Variants in LRMDA observed in about 807,000 individuals in gnomAD.
LRMDA encodes the protein leucine rich melanocyte differentiation associated.
LRMDA carries 18 observed loss-of-function variants against 29.8 expected under a neutral mutation model. That is an observed-to-expected ratio of 0.60 (90% CI 0.42 to 0.90). LRMDA has a LOEUF of 0.90. Among genes scored for constraint, LRMDA ranks in the 40% least tolerant of loss-of-function variants. The pLI is 0.00. For missense variants in LRMDA, 273 were observed against 273.9 expected, an observed-to-expected ratio of 1.00 and a Z score of 0.02; for synonymous variants, 125 against 109.4, an observed-to-expected ratio of 1.14 and a Z score of -0.89.
intron 6 of LRMDA, among the ~76,000 whole-genome samples, chr10:76,356,186 A>G (rs1841237401): frequency 6.6e-6 from 1 of 152,216 alleles, no homozygotes; most frequent in Non-Finnish European, 1.5e-5. Flanking sequence ...TGTCAGGATG[A>G]TAGTGGTGGT....
At chr10:75,735,163 G>A (rs1028397871) in intron 2 of LRMDA, among the ~76,000 whole-genome samples, 8 of 152,336 alleles carry the variant, frequency 5.3e-5, no homozygotes, top group Admixed American at 1.3e-4. Flanking sequence ...GGATTAATAC[G>A]TGACTATATG....
intron 6 of LRMDA, among the ~76,000 whole-genome samples, chr10:76,504,673 A>G (rs1433893425): frequency 6.6e-6 from 1 of 151,976 alleles, no homozygotes; most frequent in Non-Finnish European, 1.5e-5. Flanking sequence ...AGATCCTGCT[A>G]CTTTTAGCCT....
intron 6 of LRMDA, among the ~76,000 whole-genome samples, chr10:76,411,909 G>A (rs1218370389): frequency 6.6e-6 from 1 of 152,216 alleles, no homozygotes; most frequent in African/African-American, 2.4e-5. Context: ...AACAGATGGA[G>A]GCGCTGGCCT....
chr10:76,349,472 A>G (rs1339993091), intron 6 of LRMDA, among the ~76,000 whole-genome samples: 1 of 152,082 alleles, frequency 6.6e-6, no homozygotes, highest in East Asian at 1.9e-4. Context: ...ATACATATAT[A>G]TATTATATAT....
At chr10:76,049,439 G>A (rs145308310) in intron 4 of LRMDA, among the ~76,000 whole-genome samples, 5 of 152,338 alleles carry the variant, frequency 3.3e-5, no homozygotes, top group African/African-American at 9.6e-5. Context: ...ATGTTCCCAT[G>A]TAGTTACACA....
intron 5 of LRMDA, among the ~76,000 whole-genome samples, chr10:76,181,238 T>G (rs12779436): frequency 0.16 from 24,192 of 152,200 alleles, 2,679 homozygotes; most frequent in East Asian, 0.52. Context: ...GCTGATGATG[T>G]GTAACCCAAA....
chr10:76,058,894 A>C, intron 5 of LRMDA, 111 bp downstream of exon 5: 1 of 822,918 alleles, frequency 1.2e-6, no homozygotes, highest in Non-Finnish European at 2.1e-6. Context: ...TTGGAATCTC[A>C]CATGAAGGGT....
At chr10:75,700,439 T>C (rs1589163310) in intron 2 of LRMDA, among the ~76,000 whole-genome samples, 1 of 142,234 alleles carries the variant, frequency 7.0e-6, no homozygotes, top group African/African-American at 2.5e-5. Flanking sequence ...TTCTCATTCT[T>C]TTTTTTTTTT....
intron 6 of LRMDA, among the ~76,000 whole-genome samples, chr10:76,491,772 G>A (rs190841509): frequency 7.9e-5 from 12 of 151,932 alleles, no homozygotes; most frequent in Non-Finnish European, 2.9e-5. Flanking sequence ...TTCTACTCTT[G>A]TCTCTTTCTC....
chr10:75,721,522 C>G (rs1330008033), intron 2 of LRMDA, among the ~76,000 whole-genome samples: 3 of 152,104 alleles, frequency 2.0e-5, no homozygotes, highest in Non-Finnish European at 4.4e-5. Context: ...AGTCCCTTGA[C>G]TTTTACAATG....
intron 2 of LRMDA, among the ~76,000 whole-genome samples, chr10:75,904,835 G>A (rs1263848993): frequency 6.6e-6 from 1 of 152,160 alleles, no homozygotes; most frequent in Admixed American, 6.5e-5. Context: ...CTCGTGACCT[G>A]TGTGGCTCGG....
At chr10:75,697,321 CT>C (rs72000719) in intron 2 of LRMDA, among the ~76,000 whole-genome samples, 320 of 144,786 alleles carry the variant, frequency 2.2e-3, no homozygotes, top group Admixed American at 4.4e-3. Flanking sequence ...TTTATTTTAC[CT>C]TTTTTTTTTT....
At chr10:76,456,189 G>A (rs966382299) in intron 6 of LRMDA, among the ~76,000 whole-genome samples, 5 of 152,284 alleles carry the variant, frequency 3.3e-5, no homozygotes, top group Non-Finnish European at 5.9e-5. Context: ...TCAGCATTAT[G>A]GTTTGAGCAA....
chr10:75,948,000 A>G (rs9416103), intron 2 of LRMDA, among the ~76,000 whole-genome samples: 46,909 of 152,072 alleles, frequency 0.31, 7,814 homozygotes, highest in South Asian at 0.43. Context: ...CTTCAGCCTT[A>G]GGTCCATAGA....
At chr10:76,374,189 G>A (rs1004093864) in intron 6 of LRMDA, among the ~76,000 whole-genome samples, 1 of 152,172 alleles carries the variant, frequency 6.6e-6, no homozygotes. Context: ...TACATTGTAA[G>A]TTGAGTGTTA....
chr10:75,476,783 A>C (rs1844798500), intron 2 of LRMDA, among the ~76,000 whole-genome samples: 1 of 152,196 alleles, frequency 6.6e-6, no homozygotes. Context: ...ACAAAATACC[A>C]CAGACTTGGT....
chr10:75,746,527 G>T (rs1251129056), intron 2 of LRMDA, among the ~76,000 whole-genome samples: 1 of 152,172 alleles, frequency 6.6e-6, no homozygotes, highest in Non-Finnish European at 1.5e-5. Flanking sequence ...TGTAGCGTGG[G>T]TGTCCCTATT....
At chr10:76,270,844 G>A (rs1172357239) in intron 5 of LRMDA, 2 of 152,136 alleles carry the variant, frequency 1.3e-5, no homozygotes, top group South Asian at 2.1e-4. Context: ...CAAAGCTGGG[G>A]GCAATTGCAT....
At chr10:76,022,139 A>C (rs1179551255) in intron 2 of LRMDA, among the ~76,000 whole-genome samples, 1 of 152,206 alleles carries the variant, frequency 6.6e-6, no homozygotes, top group East Asian at 1.9e-4. Flanking sequence ...GAAGCAGAAG[A>C]AGCACTGAAA....
Sources: allele counts gnomAD v4.1 joint callset (sites outside exome capture counted in the v4.1 genomes callset), GRCh38; gene constraint gnomAD v4.1.1; transcripts MANE v1.5; gene names NCBI Gene and HGNC (gene_info 2026-07-23, HGNC 2026-07-21).